ATP13A2: variants seen among roughly 807,000 people sequenced by gnomAD.
The protein encoded by ATP13A2 is ATPase cation transporting 13A2.
In ATP13A2, 83 loss-of-function variants were observed where a neutral mutation model predicts 138.3. That is an observed-to-expected ratio of 0.60 (90% CI 0.50 to 0.72). ATP13A2 has a LOEUF of 0.72. Ranked by LOEUF, ATP13A2 falls within the 30% of genes least tolerant of loss-of-function variation. The pLI is 0.00. For synonymous variants in ATP13A2, 663 were observed against 699.0 expected, an observed-to-expected ratio of 0.95 and a Z score of 0.81; for missense variants, 1,402 against 1,606.4, an observed-to-expected ratio of 0.87 and a Z score of 2.17.
Position 17,005,765 on chromosome 1 carries a change from G to A in ATP13A2, c.24C>T (p.Leu8=), listed in dbSNP as rs1460426486. The A allele has an allele frequency of 2.5e-6, 4 of 1,611,248 alleles. No individual in the cohort carries two copies. The African/African-American group carries it at 4.0e-5, about 16-fold the overall frequency. MSADSSP[L]VGSTPTGYGT... is the part of the protein sequence containing the mutation. Reference sequence around the variant, plus strand: ...CATAACCGGTGGGCGTGCTGCCCACGAGAGGGCTGCTGTCTGTGGACAGAA... The same window carrying A: ...CATAACCGGTGGGCGTGCTGCCCACAAGAGGGCTGCTGTCTGTGGACAGAA... The change falls in exon 2 of 29, where the codon CTC becomes CTT. Residue 8 remains leucine, a synonymous_variant. Transcript: ENST00000326735.
At chr1:16,997,418 G>T (rs1010744989) in intron 11 of ATP13A2, among the ~76,000 whole-genome samples, 2 of 143,728 alleles carry the variant, frequency 1.4e-5, no homozygotes, top group Non-Finnish European at 3.0e-5. Context: ...AACCAGCGGG[G>T]GGGGGTGGGT....
At position 17,011,656 on chromosome 1, in the gene ATP13A2, C is replaced by A; in HGVS notation, c.10+73G>T. ...GTGGGGGGCGTCGCCTCCCCTCTCC[C>A]TCCAAGGGGTGACGACAACTGGCGG... On this transcript the variant is annotated intron_variant, in intron 1 of 28. Transcript: ENST00000326735. The surrounding 1 kb of genome is among the most constrained non-coding windows in gnomAD (Gnocchi z 7.3). 6.9e-7 allele frequency: 1 copy of A among 1,448,082 alleles called. No homozygotes were observed. Among genetic ancestry groups the A allele is most frequent in the South Asian group, 1.3e-5 (1 of 74,254 alleles). The allele number at this position is 1,448,082 out of a possible 1,614,324, so 89.7% of individuals were successfully genotyped here.
At position 16,992,480 on chromosome 1, in the gene ATP13A2, G is replaced by C; in HGVS notation, c.1845+6C>G. On this transcript the variant is annotated splice_donor_region_variant and intron_variant, in intron 17 of 28. Coordinates refer to ENST00000326735, the MANE Select transcript of ATP13A2 (RefSeq NM_022089.4). ...CCCTGCACCCAACAGGCCCCCCTCA[G>C]CTCACCATTGCCTGCAGCTGGGGCT... The C allele has an allele frequency of 4.3e-6, 7 of 1,614,054 alleles. No homozygotes were observed. The highest frequency in any genetic ancestry group is 5.9e-6 in the Non-Finnish European group (7 of 1,179,982).
In ATP13A2 at chr1:16,986,224, C is replaced by T; in HGVS notation, c.3540G>A (p.Arg1180=). The T allele has an allele frequency of 1.2e-6, 2 of 1,612,306 alleles. No homozygotes were observed. The highest frequency in any genetic ancestry group is 1.7e-5 in the Admixed American group (1 of 59,860). Residue 1180 remains arginine, a synonymous_variant, in exon 29 of 29, where the codon AGG becomes AGA. Transcript: ENST00000326735. This position sits in a 1 kb window ranked among gnomAD's most constrained non-coding sequence, Gnocchi z 6.9. ...PWPPLPAGPL[R] Reference sequence around the variant, plus strand: ...CTGGGGTGCCCGTGGGCCTGCACTACCTCAGGGGGCCGGCGGGCAGCGGCG... The same window carrying T: ...CTGGGGTGCCCGTGGGCCTGCACTATCTCAGGGGGCCGGCGGGCAGCGGCG...
At position 16,991,490 on chromosome 1, in the gene ATP13A2, G is replaced by A. The variant is rs1008766474; in HGVS notation, c.2251+244C>T. On this transcript the variant is annotated intron_variant, in intron 20 of 28. Coordinates refer to ENST00000326735, the MANE Select transcript of ATP13A2 (RefSeq NM_022089.4). ...CCTGGAACCCAGGCTGTCTGACAGC[G>A]CACATGGGTTCCTTGGAAGTCACTC... 5.6e-4 allele frequency among the ~76,000 whole-genome samples: 86 copies of A among 152,298 alleles called. 1 individual carries two copies. The highest frequency in any genetic ancestry group is 1.9e-3 in the African/African-American group (79 of 41,562).
rs1280886044 is a variant in ATP13A2, at chr1:16,986,283, G to T, written c.3481C>A (p.Gln1161Lys). ...TGCTCGGCCAGCTCTCGTTCCAGCT[G>T]CTTGAAGCGCTTCTTGGAGGCCCGC... is the stretch of plus-strand genomic sequence containing the variant. ...PKRASKKRFK[Q>K]LERELAEQPW... The change falls in exon 29 of 29, where the codon CAG becomes AAG. Residue 1161 changes from glutamine to lysine, a missense_variant. Gln to Lys is a moderately conservative substitution (Grantham distance 53). Coordinates refer to ENST00000326735, the MANE Select transcript of ATP13A2 (RefSeq NM_022089.4). This position sits in a 1 kb window ranked among gnomAD's most constrained non-coding sequence, Gnocchi z 6.9. 6.2e-7 allele frequency: 1 copy of T among 1,603,282 alleles called. No individual in the cohort carries two copies. The highest frequency in any genetic ancestry group is 1.7e-5 in the Admixed American group (1 of 58,252).
At position 17,011,102 on chromosome 1, in the gene ATP13A2, G is replaced by A. The variant is rs910409696; in HGVS notation, c.10+627C>T. Among the ~76,000 whole-genome samples the A allele has an allele frequency of 8.5e-5, 13 of 152,116 alleles. No individual in the cohort carries two copies. The highest frequency in any genetic ancestry group is 2.9e-4 in the African/African-American group (12 of 41,418). ...GGGGAGGAGGACTGGCCCCATTCCC[G>A]GCAGGTGGGATTTAAATTAGACCCT... On this transcript the variant is annotated intron_variant, in intron 1 of 28. Transcript: ENST00000326735. This position sits in a 1 kb window ranked among gnomAD's most constrained non-coding sequence, Gnocchi z 7.3.
In ATP13A2 at chr1:16,991,728, T is replaced by G. The variant is rs773458244; in HGVS notation, c.2251+6A>C. 1.8e-5 allele frequency: 29 copies of G among 1,613,928 alleles called. No homozygotes were observed. The highest frequency in any genetic ancestry group is 2.2e-5 in the Non-Finnish European group (26 of 1,180,026). ...TGCTAGCCCGGGCCCCTACATGCCA[T>G]TGTACCTGTCACCATGACGGCGCGG... is the stretch of plus-strand genomic sequence containing the variant. On this transcript the variant is annotated splice_donor_region_variant and intron_variant, in intron 20 of 28. Transcript: ENST00000326735.
At position 17,004,552 on chromosome 1, in the gene ATP13A2, G is replaced by A; in HGVS notation, c.477+140C>T. 1 of 1,566,070 alleles carries A rather than the reference G, an allele frequency of 6.4e-7. No homozygotes were observed. Among genetic ancestry groups the A allele is most frequent in the Non-Finnish European group, 8.7e-7 (1 of 1,146,484 alleles). On this transcript the variant is annotated intron_variant, in intron 5 of 28. Transcript: ENST00000326735. The surrounding 1 kb of genome is among the most constrained non-coding windows in gnomAD (Gnocchi z 4.1). Reference sequence around the variant, plus strand: ...GAGAGGTGGGGAGAGGCCTGAAAGTGTAAACGTGCTCAGACAGCATCCTGG... The same window carrying A: ...GAGAGGTGGGGAGAGGCCTGAAAGTATAAACGTGCTCAGACAGCATCCTGG...
At chr1:17,010,302 T>C (rs999151442) in intron 1 of ATP13A2, among the ~76,000 whole-genome samples, 1 of 152,118 alleles carries the variant, frequency 6.6e-6, no homozygotes, top group African/African-American at 2.4e-5. Context: ...GGTCTTGAAC[T>C]CCTGACCTCA....
chr1:17,005,836 A>T, intron 1 of ATP13A2, 58 bp from the exon 2 acceptor site: 4 of 1,509,552 alleles, frequency 2.6e-6, no homozygotes, highest in Non-Finnish European at 3.6e-6. Context: ...TTGCTTCCTT[A>T]AAAACAATAA....
Position 17,005,452 on chromosome 1 carries a change from C to T in ATP13A2, c.210G>A (p.Leu70=). The change falls in exon 3 of 29, where the codon CTG becomes CTA. Residue 70 remains leucine, a synonymous_variant. Coordinates refer to ENST00000326735, the MANE Select transcript of ATP13A2 (RefSeq NM_022089.4). ...IPLLLFRWKP[L]WGVRLRLRPC... ...GCCGGAGCCGCAGCCGCACCCCCCA[C>T]AGGGGCTTCCAACGGAAGAGCAGCA... 1 of 1,614,196 alleles carries T rather than the reference C, an allele frequency of 6.2e-7. No individual in the cohort carries two copies. Among genetic ancestry groups the T allele is most frequent in the Non-Finnish European group, 8.5e-7 (1 of 1,180,026 alleles).
chr1:16,994,916 C>G (rs2077065190), intron 15 of ATP13A2, among the ~76,000 whole-genome samples: 1 of 152,156 alleles, frequency 6.6e-6, no homozygotes, highest in Admixed American at 6.5e-5. Context: ...CCCGCCTCGG[C>G]CTCCCGAAGT....
chr1:16,996,562 GC>G, intron 12 of ATP13A2, 66 bp from the exon 13 acceptor site: 1 of 1,296,034 alleles, frequency 7.7e-7, no homozygotes, highest in Non-Finnish European at 1.1e-6. Context: ...CCCACCCCTA[GC>G]CCTCCCGACC....
intron 12 of ATP13A2, 39 bp from the exon 13 acceptor site, chr1:16,996,535 G>C (rs892146072): frequency 3.9e-6 from 6 of 1,547,950 alleles, no homozygotes; most frequent in Middle Eastern, 1.8e-4. Context: ...GGGAAGCCAG[G>C]GTGAGGGCAG....
rs1366652037 is a variant in ATP13A2, at chr1:16,994,203, T to TCTC, written c.1543-369_1543-368insGAG. ...TGGCTCGCTCTCTCTCTCTCATTTA[T>TCTC]TTATTTATTTATTTATTTATTTTTA... On this transcript the variant is annotated intron_variant, in intron 15 of 28. Coordinates refer to ENST00000326735, the MANE Select transcript of ATP13A2 (RefSeq NM_022089.4). 8.6e-5 allele frequency among the ~76,000 whole-genome samples: 10 copies of TCTC among 116,308 alleles called. 1 individual carries two copies. The highest frequency in any genetic ancestry group is 2.8e-4 in the South Asian group (1 of 3,560). 76.3% of individuals were successfully genotyped at this position (116,308 alleles called of 152,430 possible). A position where few individuals can be genotyped will look rare whatever the true frequency, so the allele number is the denominator to read the frequency against.
At chr1:16,988,662 C>T (rs574470954) in intron 23 of ATP13A2, among the ~76,000 whole-genome samples, 188 bp from the exon 24 acceptor site, 7 of 152,214 alleles carry the variant, frequency 4.6e-5, no homozygotes, top group Middle Eastern at 3.4e-3. Context: ...GACGGAGTTT[C>T]ACTCTTGTTG....
chr1:16,989,834 G>A, intron 22 of ATP13A2, 53 bp downstream of exon 22: 1 of 1,611,782 alleles, frequency 6.2e-7, no homozygotes, highest in South Asian at 1.1e-5. Context: ...CCGTGAGGAA[G>A]GAGACAGAGC....
At chr1:16,999,353 C>T (rs967600905) in intron 11 of ATP13A2, among the ~76,000 whole-genome samples, 3 of 126,190 alleles carry the variant, frequency 2.4e-5, no homozygotes, top group Non-Finnish European at 3.1e-5. Flanking sequence ...GTACTCCAGC[C>T]GGGGCAACAA....
Sources: gnomAD v4.1 joint callset for allele counts (sites outside exome capture counted in the v4.1 genomes callset) on GRCh38, gnomAD v4.1.1 for gene constraint, Gnocchi (gnomAD v3.1) non-coding constraint, MANE v1.5 for transcripts, NCBI Gene and HGNC (gene_info 2026-07-23, HGNC 2026-07-21) for gene names.